NDST1: variants seen among roughly 807,000 people sequenced by gnomAD.
NDST1 encodes bifunctional heparan sulfate N-deacetylase/N-sulfotransferase 1.
In NDST1, 35 loss-of-function variants were observed where a neutral mutation model predicts 92.8. The ratio of observed to expected loss-of-function variants is 0.38; its 90% CI spans 0.29 to 0.50. The LOEUF is 0.50. NDST1 is among the 20% of genes least tolerant of loss of function. The pLI, the probability that NDST1 is intolerant of heterozygous loss-of-function variation, is 0.94. For missense variants in NDST1, 822 were observed against 1,182.7 expected (o/e 0.69, Z 4.47); for synonymous variants, 493 against 500.3 (o/e 0.99, Z 0.19).
chr5:150,528,339 C>T (rs1754563093), intron 3 of NDST1, 41 bp downstream of exon 3: 17 of 1,549,794 alleles, frequency 1.1e-5, no homozygotes, highest in Non-Finnish European at 1.5e-5. Context: ...CAGGTGGGGC[C>T]TGGCAAGCTT....
chr5:150,518,005 C>A (rs1206740527), intron 1 of NDST1, among the ~76,000 whole-genome samples: 1 of 152,204 alleles, frequency 6.6e-6, no homozygotes, highest in Non-Finnish European at 1.5e-5. Context: ...AAATGGGACA[C>A]CTGGGTACCC....
chr5:150,528,926 A>T (rs1754593476), intron 3 of NDST1, among the ~76,000 whole-genome samples: 1 of 152,230 alleles, frequency 6.6e-6, no homozygotes, highest in Non-Finnish European at 1.5e-5. Context: ...GGAGCTGTAC[A>T]ATGCTGTTTG....
rs1245456252 is a variant in NDST1 at position 150,535,707 on chromosome 5, G to A, written c.1259G>A (p.Gly420Asp). The A allele has an allele frequency of 1.2e-6, 2 of 1,614,214 alleles. No individual in the cohort carries two copies. The highest frequency in any genetic ancestry group is 8.5e-7 in the Non-Finnish European group (1 of 1,180,040). ...ALNKKFAVEH[G>D]IPTDMGYAVA... ...TGGTCATCCTCTCCCTAGGAGCATG[G>A]CATTCCCACAGACATGGGGTATGCA... is the stretch of plus-strand genomic sequence containing the variant. The change falls in exon 6 of 15, where the codon GGC (glycine) becomes GAC (aspartate). Residue 420 changes from glycine (G) to aspartate (D), a missense_variant. Physicochemically the swap from Gly to Asp is moderately conservative, Grantham distance 94. Coordinates refer to ENST00000261797, the MANE Select transcript of NDST1 (RefSeq NM_001543.5).
chr5:150,550,491 C>G (rs76640203), intron 13 of NDST1: 7 of 153,600 alleles, frequency 4.6e-5, no homozygotes, highest in African/African-American at 1.7e-4. Context: ...GTTGAGAATG[C>G]CCTCCCACTA....
At chr5:150,535,057 G>T in intron 5 of NDST1, 36 bp downstream of exon 5, 1 of 1,595,172 alleles carries the variant, frequency 6.3e-7, no homozygotes, top group Non-Finnish European at 8.5e-7. Context: ...AGCGGGGCGG[G>T]CTAAGGGCTG....
In NDST1 at chr5:150,527,904, C is replaced by G; in HGVS notation, c.614C>G (p.Pro205Arg). 1 of 1,614,172 alleles carries G rather than the reference C, an allele frequency of 6.2e-7. No homozygotes were observed. Among genetic ancestry groups the G allele is most frequent in the Non-Finnish European group, 8.5e-7 (1 of 1,180,028 alleles). The change falls in exon 3 of 15, where the codon CCG becomes CGG. Residue 205 changes from proline to arginine, a missense_variant. Pro to Arg is a moderately radical substitution (Grantham distance 103, BLOSUM62 -2). Coordinates refer to ENST00000261797, the MANE Select transcript of NDST1 (RefSeq NM_001543.5). Reference protein sequence around the residue: ...LKDCSINPKSPLLYVTRPSEV... With the variant: ...LKDCSINPKSRLLYVTRPSEV... ...GACTGCAGCATCAACCCCAAGTCCC[C>G]GCTGCTCTACGTGACGCGACCTAGC...
chr5:150,508,394 G>A (rs1169265531), intron 1 of NDST1, among the ~76,000 whole-genome samples, 168 bp downstream of exon 1: 1 of 152,002 alleles, frequency 6.6e-6, no homozygotes, highest in Non-Finnish European at 1.5e-5. Context: ...ACTTGAGCCT[G>A]GCACTGGGTC....
At chr5:150,530,886 G>A (rs1201266327) in intron 3 of NDST1, among the ~76,000 whole-genome samples, 1 of 152,002 alleles carries the variant, frequency 6.6e-6, no homozygotes, top group Non-Finnish European at 1.5e-5. Flanking sequence ...TAAAGTGAAA[G>A]GAATGATAGC....
Position 150,535,897 on chromosome 5 carries a change from C to T in NDST1, c.1437+12C>T, listed in dbSNP as rs1754961683. On this transcript the variant is annotated intron_variant, in intron 6 of 14. Transcript: ENST00000261797. Reference sequence around the variant, plus strand: ...ACAATGGCATCATGGTGAGTGGGCCCCTGGAAGCCCAGGAGGTGGGAGAAT... The same window carrying T: ...ACAATGGCATCATGGTGAGTGGGCCTCTGGAAGCCCAGGAGGTGGGAGAAT... 1 of 1,611,570 alleles carries T rather than the reference C, an allele frequency of 6.2e-7. No homozygotes were observed. Among genetic ancestry groups the T allele is most frequent in the Admixed American group, 1.7e-5 (1 of 59,724 alleles).
intron 2 of NDST1, 96 bp from the exon 3 acceptor site, chr5:150,527,708 T>C (rs1754536723): frequency 6.4e-7 from 1 of 1,566,538 alleles, no homozygotes; most frequent in Non-Finnish European, 8.7e-7. Context: ...TGGTGAATAT[T>C]GATACCACTG....
chr5:150,517,597 A>G (rs994875896), intron 1 of NDST1, among the ~76,000 whole-genome samples: 2 of 152,230 alleles, frequency 1.3e-5, no homozygotes, highest in Non-Finnish European at 2.9e-5. Flanking sequence ...TCTCATACAC[A>G]GTAGTTTCAC....
At chr5:150,538,239 A>G (rs1755082583) in intron 6 of NDST1, among the ~76,000 whole-genome samples, 1 of 152,170 alleles carries the variant, frequency 6.6e-6, no homozygotes. Context: ...GGGGTGGGTG[A>G]TGGACCAGAT....
chr5:150,502,414 C>G (rs921541469), intron 1 of NDST1, among the ~76,000 whole-genome samples: 5 of 152,022 alleles, frequency 3.3e-5, no homozygotes, highest in African/African-American at 1.2e-4. Flanking sequence ...GACAGTTGGA[C>G]AGTATTGCTA....
chr5:150,499,746 G>C (rs146067388), intron 1 of NDST1, among the ~76,000 whole-genome samples: 121 of 152,336 alleles, frequency 7.9e-4, no homozygotes, highest in African/African-American at 2.8e-3. Context: ...TTCTTAAGCT[G>C]CAGATAACAG....
chr5:150,544,086 A>T (rs182981415), intron 10 of NDST1, among the ~76,000 whole-genome samples: 165 of 152,254 alleles, frequency 1.1e-3, no homozygotes, highest in African/African-American at 3.8e-3. Flanking sequence ...CCATCTACCT[A>T]CATTTCTAAC....
upstream of NDST1, among the ~76,000 whole-genome samples, chr5:150,505,683 G>C (rs1753420980): frequency 6.6e-6 from 1 of 152,184 alleles, no homozygotes; most frequent in Non-Finnish European, 1.5e-5. Context: ...TTGCTGCAGA[G>C]GTCGGTTATG....
chr5:150,501,997 G>A (rs1014094121), intron 1 of NDST1, among the ~76,000 whole-genome samples: 1 of 152,196 alleles, frequency 6.6e-6, no homozygotes, highest in Non-Finnish European at 1.5e-5. Flanking sequence ...GGGCATGGGT[G>A]GCCAGAGGCA....
At chr5:150,518,412 C>T (rs900539167) in intron 1 of NDST1, among the ~76,000 whole-genome samples, 1 of 151,996 alleles carries the variant, frequency 6.6e-6, no homozygotes, top group African/African-American at 2.4e-5. Flanking sequence ...GTGAAGGAGC[C>T]CCCGGAGATC....
At chr5:150,524,031 C>T (rs1217883888) in intron 2 of NDST1, among the ~76,000 whole-genome samples, 2 of 152,214 alleles carry the variant, frequency 1.3e-5, no homozygotes, top group East Asian at 1.9e-4. Flanking sequence ...TGTCTGTGGG[C>T]TCCAGGGATC....
Sources: allele counts gnomAD v4.1 joint callset (sites outside exome capture counted in the v4.1 genomes callset), GRCh38; gene constraint gnomAD v4.1.1; transcripts MANE v1.5; gene names NCBI Gene and HGNC (gene_info 2026-07-23, HGNC 2026-07-21).